Variants in EPHB2 observed in about 807,000 individuals in gnomAD.
EPHB2 encodes the protein ephrin type-B receptor 2.
EPHB2 carries 18 observed loss-of-function variants against 96.4 expected under a neutral mutation model. The observed-to-expected ratio is 0.19, with a 90% CI of 0.13 to 0.28. The LOEUF is 0.28. Ranked by LOEUF, EPHB2 falls within the 10% of genes least tolerant of loss-of-function variation. The pLI, the probability that EPHB2 is intolerant of heterozygous loss-of-function variation, is 1.00. For synonymous variants in EPHB2, 506 were observed against 534.1 expected, an observed-to-expected ratio of 0.95 and a Z score of 0.72; for missense variants, 989 against 1,355.4, an observed-to-expected ratio of 0.73 and a Z score of 4.25.
In EPHB2 at chr1:22,877,954, C is replaced by A. The variant is rs552075021; in HGVS notation, c.1304-4405C>A. ...CCAGCAATGTGAATTTTAATAAACT[C>A]TCCTGGTTATCCTTATGCCCATTCA... On this transcript the variant is annotated intron_variant, in intron 5 of 15. Coordinates refer to ENST00000374630, the MANE Select transcript of EPHB2 (RefSeq NM_017449.5). Among the ~76,000 whole-genome samples the A allele has an allele frequency of 3.8e-4, 58 of 152,328 alleles. 1 individual carries two copies. Among genetic ancestry groups the A allele is most frequent in the African/African-American group, 1.2e-3 (50 of 41,568 alleles).
At position 22,726,613 on chromosome 1, in the gene EPHB2, A is replaced by G. The variant is rs371598612; in HGVS notation, c.61+15570A>G. Among the ~76,000 whole-genome samples, 7 of 151,788 alleles carry G rather than the reference A, an allele frequency of 4.6e-5. No individual in the cohort carries two copies. In the East Asian group the frequency reaches 5.8e-4, roughly 13 times the overall value. On this transcript the variant is annotated intron_variant, in intron 1 of 15. Coordinates refer to ENST00000374630, the MANE Select transcript of EPHB2 (RefSeq NM_017449.5). ...TTTTTTATATTTTTAGTAGAGATGG[A>G]GTTTCACCATGTTGGCCAGGCTGGT...
At chr1:22,802,004 C>G (rs1644850695) in intron 3 of EPHB2, among the ~76,000 whole-genome samples, 1 of 152,198 alleles carries the variant, frequency 6.6e-6, no homozygotes, top group Non-Finnish European at 1.5e-5. Flanking sequence ...GCCTGCTTGT[C>G]ATGCTGGGCC....
chr1:22,900,252 T>C (rs544965150), intron 9 of EPHB2, among the ~76,000 whole-genome samples: 128 of 147,814 alleles, frequency 8.7e-4, no homozygotes, highest in African/African-American at 3.0e-3. Flanking sequence ...TGAGATCACG[T>C]CACTGCACTC....
Position 22,882,364 on chromosome 1 carries a change from T to C in EPHB2, c.1309T>C (p.Ser437Pro). 1 of 1,613,904 alleles carries C rather than the reference T, an allele frequency of 6.2e-7. No individual in the cohort carries two copies. Among genetic ancestry groups the C allele is most frequent in the Non-Finnish European group, 8.5e-7 (1 of 1,179,944 alleles). The change falls in exon 6 of 16, where the codon TCG becomes CCG. Residue 437 changes from serine to proline, a missense_variant. Physicochemically the swap from Ser to Pro is moderately conservative, Grantham distance 74. Coordinates refer to ENST00000374630, the MANE Select transcript of EPHB2 (RefSeq NM_017449.5). ...VNITTNQAAP[S>P]AVSIMHQVSR... is the part of the protein sequence containing the mutation. ...ACCTCTGGCCTCTCTTCCAGCTCCA[T>C]CGGCAGTGTCCATCATGCATCAGGT...
At chr1:22,912,413 G>T (rs1448564072) in intron 14 of EPHB2, 31 bp from the exon 15 acceptor site, 2 of 1,613,230 alleles carry the variant, frequency 1.2e-6, no homozygotes, top group South Asian at 1.1e-5. Flanking sequence ...CAGGTGCCCT[G>T]ACCATCTCTG....
At chr1:22,894,977 A>G (rs746184555) in intron 7 of EPHB2, among the ~76,000 whole-genome samples, 1 of 152,226 alleles carries the variant, frequency 6.6e-6, no homozygotes, top group Non-Finnish European at 1.5e-5. Context: ...TTTACCCAAC[A>G]ATCCTGAGAT....
At position 22,784,977 on chromosome 1, in the gene EPHB2, A is replaced by C; in HGVS notation, c.712A>C (p.Lys238Gln). 6.2e-7 allele frequency: 1 copy of C among 1,614,022 alleles called. No individual in the cohort carries two copies. The highest frequency in any genetic ancestry group is 8.5e-7 in the Non-Finnish European group (1 of 1,180,040). ...TGCGGAAGAGGTGGATGTACCCATCAAGCTCTACTGTAACGGGGACGGCGA... is the reference window on the plus strand; with the variant it reads ...TGCGGAAGAGGTGGATGTACCCATCCAGCTCTACTGTAACGGGGACGGCGA... ...ANAEEVDVPI[K>Q]LYCNGDGEWL... Residue 238 changes from lysine (K) to glutamine (Q), a missense_variant, in exon 3 of 16, where the codon AAG (lysine) becomes CAG (glutamine). Physicochemically the swap from Lys to Gln is moderately conservative, Grantham distance 53. Transcript: ENST00000374630. This position sits in a 1 kb window ranked among gnomAD's most constrained non-coding sequence, Gnocchi z 5.1.
At chr1:22,831,514 A>C (rs1320641863) in intron 3 of EPHB2, among the ~76,000 whole-genome samples, 1 of 152,044 alleles carries the variant, frequency 6.6e-6, no homozygotes, top group African/African-American at 2.4e-5. Flanking sequence ...GAACCCTTAC[A>C]AGTCAGTCTA....
chr1:22,747,427 C>T (rs1278179818), intron 1 of EPHB2, among the ~76,000 whole-genome samples: 1 of 152,230 alleles, frequency 6.6e-6, no homozygotes, highest in African/African-American at 2.4e-5. Flanking sequence ...TCTGTTGATG[C>T]CAGACCAACT....
At chr1:22,727,882 A>G (rs971497706) in intron 1 of EPHB2, among the ~76,000 whole-genome samples, 1 of 151,350 alleles carries the variant, frequency 6.6e-6, no homozygotes, top group Non-Finnish European at 1.5e-5. Flanking sequence ...GGCTCAAGCA[A>G]TCCTCCTGCC....
intron 1 of EPHB2, among the ~76,000 whole-genome samples, chr1:22,716,903 G>A (rs1301945212): frequency 6.6e-6 from 1 of 152,186 alleles, no homozygotes; most frequent in Non-Finnish European, 1.5e-5. Context: ...CCACACCTCC[G>A]ACCAAGGACC....
chr1:22,839,078 C>T (rs150293206), intron 3 of EPHB2, among the ~76,000 whole-genome samples: 5 of 152,298 alleles, frequency 3.3e-5, no homozygotes, highest in African/African-American at 7.2e-5. Flanking sequence ...CCCTAAAAAG[C>T]AAAACAGCTT....
intron 1 of EPHB2, among the ~76,000 whole-genome samples, chr1:22,713,220 C>CT (rs1329036961): frequency 3.3e-5 from 5 of 152,110 alleles, no homozygotes; most frequent in Non-Finnish European, 7.4e-5. Flanking sequence ...CCCCTGGACA[C>CT]TAGGAAGTTA....
intron 6 of EPHB2, among the ~76,000 whole-genome samples, chr1:22,883,158 C>T (rs972001280): frequency 6.6e-6 from 1 of 152,206 alleles, no homozygotes; most frequent in East Asian, 1.9e-4. Context: ...CCACCTGTGT[C>T]GAGTGTGGGT....
chr1:22,873,025 G>C (rs1638723581), intron 5 of EPHB2, among the ~76,000 whole-genome samples: 1 of 152,242 alleles, frequency 6.6e-6, no homozygotes, highest in African/African-American at 2.4e-5. Context: ...TGCTGACCTA[G>C]AGTATCATTT....
intron 9 of EPHB2, among the ~76,000 whole-genome samples, chr1:22,900,676 T>A (rs910446761): frequency 1.4e-4 from 22 of 152,064 alleles, no homozygotes; most frequent in African/African-American, 4.3e-4. Context: ...ACAGGTGGGG[T>A]CTATTTTTAA....
At chr1:22,728,561 G>A (rs1273639035) in intron 1 of EPHB2, among the ~76,000 whole-genome samples, 1 of 152,198 alleles carries the variant, frequency 6.6e-6, no homozygotes, top group Non-Finnish European at 1.5e-5. Flanking sequence ...CATGAAGTAG[G>A]TGCTGGATAG....
At chr1:22,745,374 T>C (rs1643957974) in intron 1 of EPHB2, among the ~76,000 whole-genome samples, 2 of 152,130 alleles carry the variant, frequency 1.3e-5, no homozygotes, top group South Asian at 2.1e-4. Flanking sequence ...GTTTCACTCA[T>C]AGGAACTTCA....
intron 1 of EPHB2, among the ~76,000 whole-genome samples, chr1:22,765,075 A>G (rs1333556160): frequency 6.6e-6 from 1 of 152,086 alleles, no homozygotes; most frequent in African/African-American, 2.4e-5. Flanking sequence ...TGTCTGTCTG[A>G]GTCTAATTCT....
Sources: allele counts gnomAD v4.1 joint callset (sites outside exome capture counted in the v4.1 genomes callset), GRCh38; gene constraint gnomAD v4.1.1; non-coding constraint Gnocchi (gnomAD v3.1); transcripts MANE v1.5; gene names NCBI Gene and HGNC (gene_info 2026-07-23, HGNC 2026-07-21).